The following PRKG1 variants were observed in gnomAD, a reference collection of about 807,000 sequenced individuals.
PRKG1 encodes the protein cGMP-dependent protein kinase 1.
PRKG1 carries 35 observed loss-of-function variants against 88.1 expected under a neutral mutation model. The observed-to-expected ratio is 0.40, with a 90% CI of 0.30 to 0.53. PRKG1 has a LOEUF of 0.53. Among genes scored for constraint, PRKG1 ranks in the 20% least tolerant of loss-of-function variants. PRKG1 has a pLI of 0.59. For missense variants in PRKG1, 540 were observed against 839.8 expected, an observed-to-expected ratio of 0.64 and a Z score of 4.41; for synonymous variants, 303 against 292.5, an observed-to-expected ratio of 1.04 and a Z score of -0.37.
intron 2 of PRKG1, among the ~76,000 whole-genome samples, chr10:51,296,520 G>GT (rs1303272203): frequency 1.3e-5 from 2 of 151,992 alleles, no homozygotes; most frequent in African/African-American, 4.8e-5. Flanking sequence ...GGCATCCATT[G>GT]TAATATCTTC....
At chr10:51,524,562 T>C (rs1353120715) in intron 3 of PRKG1, among the ~76,000 whole-genome samples, 1 of 152,188 alleles carries the variant, frequency 6.6e-6, no homozygotes, top group African/African-American at 2.4e-5. Context: ...ATCTAATACA[T>C]GTACAATTTA....
chr10:51,129,737 A>T (rs886548792), intron 1 of PRKG1, among the ~76,000 whole-genome samples: 4 of 152,324 alleles, frequency 2.6e-5, no homozygotes, highest in African/African-American at 9.6e-5. Context: ...AAAGCATTGA[A>T]TTTGATGCCT....
At chr10:51,149,353 A>G (rs1846010087) in intron 1 of PRKG1, among the ~76,000 whole-genome samples, 1 of 152,236 alleles carries the variant, frequency 6.6e-6, no homozygotes, top group East Asian at 1.9e-4. Flanking sequence ...CTATTTATTA[A>G]CAGTGAATAG....
rs114224312 is a variant in PRKG1 at position 51,619,425 on chromosome 10, G to A, written c.592+151589G>A. Among the ~76,000 whole-genome samples, 954 of 152,222 alleles carry A rather than the reference G, an allele frequency of 6.3e-3. 9 individuals carry two copies. The highest frequency in any genetic ancestry group is 0.022 in the African/African-American group (917 of 41,528). ...CCCCATTATTTTGATTAAAGACAGGGTGGGGAAGATTCTCTGAAAGACATT... is the reference window on the plus strand; with the variant it reads ...CCCCATTATTTTGATTAAAGACAGGATGGGGAAGATTCTCTGAAAGACATT... On this transcript the variant is annotated intron_variant, in intron 3 of 17. Transcript: ENST00000373980.
chr10:52,201,103 G>T lies in PRKG1; in HGVS notation c.1076+39140G>T, dbSNP rs565602559. On this transcript the variant is annotated intron_variant, in intron 9 of 17. Coordinates refer to ENST00000373980, the MANE Select transcript of PRKG1 (RefSeq NM_006258.4). Reference sequence around the variant, plus strand: ...TTTGTTTTTGTTGCAATTACTTTTGGTGCCTTCGTTATGAAATCTTTGCCA... The same window carrying T: ...TTTGTTTTTGTTGCAATTACTTTTGTTGCCTTCGTTATGAAATCTTTGCCA... 4.6e-5 allele frequency among the ~76,000 whole-genome samples: 7 copies of T among 152,160 alleles called. No individual in the cohort carries two copies. In the East Asian group the frequency reaches 9.7e-4, roughly 21 times the overall value.
chr10:52,244,774 A>G (rs1301295024), intron 9 of PRKG1, among the ~76,000 whole-genome samples: 1 of 143,254 alleles, frequency 7.0e-6, no homozygotes, highest in East Asian at 2.0e-4. Context: ...ATTTAAATAT[A>G]TACCTTAATA....
At chr10:51,433,548 T>A (rs1838832283) in intron 2 of PRKG1, among the ~76,000 whole-genome samples, 1 of 152,062 alleles carries the variant, frequency 6.6e-6, no homozygotes, top group Non-Finnish European at 1.5e-5. Context: ...AATCACAGTG[T>A]TCCCCTGCCA....
chr10:51,157,527 ACATT>A (rs1476810678), intron 2 of PRKG1, among the ~76,000 whole-genome samples: 3 of 151,880 alleles, frequency 2.0e-5, no homozygotes, highest in African/African-American at 7.2e-5. Flanking sequence ...ACTTCAGTCT[ACATT>A]CATTCAAAAT....
rs751351827 is a variant in PRKG1 at position 51,804,668 on chromosome 10, G to A, written c.676G>A (p.Glu226Lys). ...MMRTGLIKHT[E>K]YMEFLKSVPT... is the part of the protein sequence containing the mutation. ...GAGGACAGGACTCATCAAGCATACCGAGTATATGGAATTTTTAAAAAGGTA... is the reference window on the plus strand; with the variant it reads ...GAGGACAGGACTCATCAAGCATACCAAGTATATGGAATTTTTAAAAAGGTA... Residue 226 changes from glutamate to lysine, a missense_variant, in exon 4 of 18, where the codon GAG becomes AAG. Physicochemically the swap from Glu to Lys is moderately conservative, Grantham distance 56 (BLOSUM62 1). Transcript: ENST00000373980. 2.5e-6 allele frequency: 4 copies of A among 1,584,594 alleles called. No individual in the cohort carries two copies. The highest frequency in any genetic ancestry group is 1.7e-5 in the Admixed American group (1 of 59,692).
intron 2 of PRKG1, among the ~76,000 whole-genome samples, chr10:51,175,656 A>G (rs916670127): frequency 3.3e-5 from 5 of 152,074 alleles, no homozygotes; most frequent in African/African-American, 9.7e-5. Context: ...TTCCTTCTCA[A>G]GTCTCTCACA....
chr10:52,123,242 G>A (rs1393653859), intron 7 of PRKG1, among the ~76,000 whole-genome samples: 1 of 152,140 alleles, frequency 6.6e-6, no homozygotes, highest in African/African-American at 2.4e-5. Context: ...TTTAGTTATT[G>A]TGTTCTCCCG....
intron 9 of PRKG1, among the ~76,000 whole-genome samples, chr10:52,174,260 C>G (rs1374842688): frequency 6.6e-6 from 1 of 151,206 alleles, no homozygotes; most frequent in South Asian, 2.1e-4. Context: ...CACATGAGCT[C>G]CAAAAAGTTC....
At chr10:51,498,179 G>A (rs1840915065) in intron 3 of PRKG1, among the ~76,000 whole-genome samples, 1 of 152,160 alleles carries the variant, frequency 6.6e-6, no homozygotes, top group Non-Finnish European at 1.5e-5. Flanking sequence ...AAGGATATGT[G>A]AAGTTCATAA....
chr10:51,368,670 ACT>A (rs756898177), intron 2 of PRKG1, among the ~76,000 whole-genome samples: 2 of 152,112 alleles, frequency 1.3e-5, no homozygotes, highest in African/African-American at 2.4e-5. Flanking sequence ...CAATAGATTT[ACT>A]CTGTTCTTTC....
intron 2 of PRKG1, among the ~76,000 whole-genome samples, chr10:51,265,043 A>T (rs577392305): frequency 6.6e-6 from 1 of 152,140 alleles, no homozygotes; most frequent in Non-Finnish European, 1.5e-5. Flanking sequence ...GGTTTCAGAT[A>T]ATGAGGCTAC....
intron 3 of PRKG1, among the ~76,000 whole-genome samples, chr10:51,509,054 C>T (rs1235261772): frequency 6.6e-6 from 1 of 151,980 alleles, no homozygotes; most frequent in Non-Finnish European, 1.5e-5. Flanking sequence ...TCAGTGTCAG[C>T]CAAATATAAA....
chr10:51,134,789 C>T (rs1375719610), intron 1 of PRKG1, among the ~76,000 whole-genome samples: 1 of 152,048 alleles, frequency 6.6e-6, no homozygotes, highest in Non-Finnish European at 1.5e-5. Flanking sequence ...TACCACTTTC[C>T]CTATAGTGTA....
At position 51,655,271 on chromosome 10, in the gene PRKG1, T is replaced by G. The variant is rs1389657106; in HGVS notation, c.593-149314T>G. 2.0e-5 allele frequency among the ~76,000 whole-genome samples: 3 copies of G among 152,142 alleles called. No individual in the cohort carries two copies. In the South Asian group the frequency reaches 6.2e-4, roughly 31 times the overall value. ...TGGGGGTCACAGGAAGAGAGAAATT[T>G]AATATTAAAAATATACTGGTTATAC... On this transcript the variant is annotated intron_variant, in intron 3 of 17. Transcript: ENST00000373980.
At chr10:51,378,417 A>G (rs760907356) in intron 2 of PRKG1, among the ~76,000 whole-genome samples, 6 of 152,210 alleles carry the variant, frequency 3.9e-5, no homozygotes, top group African/African-American at 7.2e-5. Context: ...CTAGCCGACC[A>G]TTTAGTAGTA....
Sources: gnomAD v4.1 joint callset for allele counts (sites outside exome capture counted in the v4.1 genomes callset) on GRCh38, gnomAD v4.1.1 for gene constraint, MANE v1.5 for transcripts, NCBI Gene and HGNC (gene_info 2026-07-23, HGNC 2026-07-21) for gene names.